ADGRV1: variants seen among roughly 807,000 people sequenced by gnomAD.
ADGRV1 encodes adhesion G protein-coupled receptor V1.
A neutral mutation model predicts 596.2 loss-of-function variants in ADGRV1; 359 were observed. The observed-to-expected ratio is 0.60, with a 90% CI of 0.55 to 0.66. ADGRV1 has a LOEUF of 0.66. Among genes scored for constraint, ADGRV1 ranks in the 30% least tolerant of loss-of-function variants. ADGRV1 has a pLI of 0.00. For missense variants in ADGRV1, 7,274 were observed against 7,575.6 expected (o/e 0.96, Z 1.48); for synonymous variants, 2,681 against 2,679.2 (o/e 1.00, Z -0.02).
At chr5:90,789,306 A>G (rs1332541569) in intron 68 of ADGRV1, among the ~76,000 whole-genome samples, 13 of 152,204 alleles carry the variant, frequency 8.5e-5, no homozygotes, top group Admixed American at 8.5e-4. Flanking sequence ...AAGCTGATAC[A>G]CAAAATTAGT....
At chr5:90,912,038 A>G (rs925444846) in intron 83 of ADGRV1, among the ~76,000 whole-genome samples, 3 of 152,062 alleles carry the variant, frequency 2.0e-5, no homozygotes, top group African/African-American at 7.2e-5. Flanking sequence ...TGACTCCATG[A>G]GTCAATCTCA....
chr5:90,795,182 G>A (rs182085751), intron 70 of ADGRV1, among the ~76,000 whole-genome samples: 5 of 149,578 alleles, frequency 3.3e-5, no homozygotes, highest in Non-Finnish European at 5.9e-5. Flanking sequence ...GGCTGAAGCC[G>A]GGAAGCCAAG....
intron 4 of ADGRV1, among the ~76,000 whole-genome samples, chr5:90,621,155 C>A (rs1190351716): frequency 6.6e-6 from 1 of 152,174 alleles, no homozygotes; most frequent in East Asian, 1.9e-4. Context: ...ATTTTAGACT[C>A]CAGTAACATT....
At chr5:90,573,312 G>T (rs1756783100) in intron 1 of ADGRV1, among the ~76,000 whole-genome samples, 1 of 152,142 alleles carries the variant, frequency 6.6e-6, no homozygotes, top group South Asian at 2.1e-4. Context: ...TTACAGTCAT[G>T]CATTGCTTAA....
intron 1 of ADGRV1, among the ~76,000 whole-genome samples, chr5:90,583,055 A>G (rs1338795033): frequency 6.6e-6 from 1 of 152,186 alleles, no homozygotes; most frequent in East Asian, 1.9e-4. Flanking sequence ...ATTGGAAACA[A>G]TCTTTGAGTA....
intron 1 of ADGRV1, among the ~76,000 whole-genome samples, chr5:90,573,805 C>G (rs1756850286): frequency 6.6e-6 from 1 of 151,994 alleles, no homozygotes; most frequent in South Asian, 2.1e-4. Flanking sequence ...TCCCATTTAC[C>G]AAAGCATAAT....
At chr5:90,665,508 T>G (rs112958232) in intron 21 of ADGRV1, among the ~76,000 whole-genome samples, 52,941 of 151,638 alleles carry the variant, frequency 0.35, 9,524 homozygotes, top group Admixed American at 0.49. Flanking sequence ...CTCTCTTTTT[T>G]TCTTTATTAG....
intron 32 of ADGRV1, among the ~76,000 whole-genome samples, chr5:90,693,566 A>G (rs575050356): frequency 1.3e-5 from 2 of 152,090 alleles, no homozygotes; most frequent in African/African-American, 4.8e-5. Flanking sequence ...CATGTTTGTT[A>G]TCATTGTTAC....
intron 13 of ADGRV1, 132 bp from the exon 14 acceptor site, chr5:90,643,671 C>T: frequency 1.7e-6 from 1 of 573,124 alleles, no homozygotes. Flanking sequence ...ATGATACCAC[C>T]TCTTTTGTCC....
At chr5:91,127,677 A>G (rs1582139570) in intron 87 of ADGRV1, among the ~76,000 whole-genome samples, 1 of 152,200 alleles carries the variant, frequency 6.6e-6, no homozygotes, top group East Asian at 1.9e-4. Context: ...AAGCAAAAGG[A>G]AGATCTTAGT....
chr5:90,771,766 C>T (rs1757715974), intron 59 of ADGRV1, among the ~76,000 whole-genome samples: 1 of 152,120 alleles, frequency 6.6e-6, no homozygotes, highest in Non-Finnish European at 1.5e-5. Flanking sequence ...AATAATTGTT[C>T]TGAATTTTAA....
intron 13 of ADGRV1, 48 bp downstream of exon 13, chr5:90,643,089 ATTTGG>A: frequency 7.0e-7 from 1 of 1,431,524 alleles, no homozygotes; most frequent in Non-Finnish European, 9.8e-7. Flanking sequence ...GATTGATAGT[ATTTGG>A]TATATTATGA....
At chr5:90,947,834 T>C (rs190833589) in intron 83 of ADGRV1, among the ~76,000 whole-genome samples, 1 of 152,254 alleles carries the variant, frequency 6.6e-6, no homozygotes, top group Admixed American at 6.5e-5. Flanking sequence ...TTGATGTTAT[T>C]TTATGGCATA....
In ADGRV1 at chr5:90,832,778, T is replaced by C. The variant is rs573508829; in HGVS notation, c.16611+3592T>C. ...TTGTTTTGATTTGACTTTCTGTGTA[T>C]GGTGAGAGATAGGGATCTAGTTTCA... On this transcript the variant is annotated intron_variant, in intron 77 of 89. Coordinates refer to ENST00000405460, the MANE Select transcript of ADGRV1 (RefSeq NM_032119.4). Among the ~76,000 whole-genome samples the C allele has an allele frequency of 2.2e-4, 34 of 152,320 alleles. No homozygotes were observed. The South Asian group carries it at 2.9e-3, about 13-fold the overall frequency.
intron 85 of ADGRV1, among the ~76,000 whole-genome samples, chr5:91,029,912 A>G (rs1433823462): frequency 6.6e-6 from 1 of 152,094 alleles, no homozygotes; most frequent in African/African-American, 2.4e-5. Flanking sequence ...TGTTTTCTAA[A>G]CTATTTAAAG....
intron 68 of ADGRV1, among the ~76,000 whole-genome samples, chr5:90,788,557 A>G (rs1348367266): frequency 6.6e-6 from 1 of 152,100 alleles, no homozygotes; most frequent in Non-Finnish European, 1.5e-5. Flanking sequence ...GCTTGGAGAA[A>G]ATTTGGTGTT....
intron 83 of ADGRV1, among the ~76,000 whole-genome samples, chr5:90,955,094 C>T (rs1050023145): frequency 5.9e-5 from 9 of 152,056 alleles, no homozygotes; most frequent in African/African-American, 1.9e-4. Context: ...CATAATGAGA[C>T]GATGACCGTC....
chr5:90,939,568 G>T (rs1234034450), intron 83 of ADGRV1, among the ~76,000 whole-genome samples: 1 of 152,112 alleles, frequency 6.6e-6, no homozygotes, highest in African/African-American at 2.4e-5. Flanking sequence ...TGCTCTAAAT[G>T]ACAAGGATAT....
At chr5:90,839,034 C>T (rs1207054447) in intron 77 of ADGRV1, among the ~76,000 whole-genome samples, 2 of 152,160 alleles carry the variant, frequency 1.3e-5, no homozygotes, top group Admixed American at 1.3e-4. Flanking sequence ...AACCTCCATG[C>T]TCATTCCCTA....
Sources: gnomAD v4.1 joint callset for allele counts (sites outside exome capture counted in the v4.1 genomes callset) on GRCh38, gnomAD v4.1.1 for gene constraint, MANE v1.5 for transcripts, NCBI Gene and HGNC (gene_info 2026-07-23, HGNC 2026-07-21) for gene names.